The following C16orf96 variants were observed in gnomAD, a reference collection of about 807,000 sequenced individuals.
The protein encoded by C16orf96 is chromosome 16 open reading frame 96, also known as uncharacterized protein C16orf96.
Under a neutral mutation model 103.6 loss-of-function variants are expected in C16orf96, and 108 were observed. The ratio of observed to expected loss-of-function variants is 1.04; its 90% CI spans 0.89 to 1.22. The LOEUF (loss-of-function observed/expected upper bound fraction) is 1.22. Among genes scored for constraint, C16orf96 ranks in the 50% most tolerant of loss-of-function variants. C16orf96 has a pLI of 0.00. For missense variants in C16orf96, 1,586 were observed against 1,464.2 expected (o/e 1.08, Z -1.36); for synonymous variants, 566 against 593.5 (o/e 0.95, Z 0.67).
intron 14 of C16orf96, among the ~76,000 whole-genome samples, chr16:4,595,119 G>A (rs1897144324): frequency 1.3e-5 from 2 of 152,310 alleles, no homozygotes; most frequent in East Asian, 1.9e-4. Flanking sequence ...GCCAAGGGAC[G>A]CCAGTCCACG....
the C16orf96 span, among the ~76,000 whole-genome samples, chr16:4,544,704 T>C: frequency 6.6e-6 from 1 of 152,142 alleles, no homozygotes; most frequent in South Asian, 2.1e-4. Flanking sequence ...GCTTAATGCA[T>C]TTAGGTCACT....
intron 2 of C16orf96, 96 bp downstream of exon 2, chr16:4,571,761 C>A: frequency 1.8e-6 from 2 of 1,103,252 alleles, no homozygotes; most frequent in Non-Finnish European, 2.6e-6. Context: ...ACTGTTAGGC[C>A]AAGAGTGCAG....
intron 14 of C16orf96, among the ~76,000 whole-genome samples, chr16:4,597,544 C>T (rs577228843): frequency 1.6e-4 from 24 of 151,916 alleles, no homozygotes; most frequent in East Asian, 5.8e-4. Context: ...ATCATGATGG[C>T]GTCAACTGCT....
At chr16:4,599,444 C>A in intron 15 of C16orf96, 80 bp downstream of exon 15, 5 of 1,257,790 alleles carry the variant, frequency 4.0e-6, no homozygotes, top group Non-Finnish European at 5.7e-6. Context: ...TCCCATCCCC[C>A]ACACCCCGCC....
chr16:4,594,280 C>G (rs867375225), intron 12 of C16orf96, 71 bp from the exon 13 acceptor site: 23 of 1,498,230 alleles, frequency 1.5e-5, no homozygotes, highest in Non-Finnish European at 2.0e-5. Flanking sequence ...GCTGGCCAGG[C>G]CCTTGGGGCC....
At chr16:4,570,540 C>T (rs759275866) in intron 1 of C16orf96, among the ~76,000 whole-genome samples, 1 of 147,934 alleles carries the variant, frequency 6.8e-6, no homozygotes, top group Admixed American at 6.9e-5. Context: ...TCTTGGCTCA[C>T]TGCAGCCTCT....
In C16orf96 at chr16:4,582,288, AT is replaced by A. The variant is rs1223584703; in HGVS notation, c.2352+2164del. Among the ~76,000 whole-genome samples the A allele has an allele frequency of 0.014, 24 of 1,742 alleles. No homozygotes were observed. In the East Asian group the frequency reaches 0.44, roughly 32 times the overall value. The allele number at this position is 1,742 out of a possible 152,430, so 1.1% of individuals were successfully genotyped here. A position where few individuals can be genotyped will look rare whatever the true frequency, so the allele number is the denominator to read the frequency against. On this transcript the variant is annotated intron_variant, in intron 7 of 15. Transcript: ENST00000444310. ...CAAGAGCAAGACTCAGTCTCAAAAAATAAATAAATAAATAAATAAATAAATA... is the reference window on the plus strand; with the variant it reads ...CAAGAGCAAGACTCAGTCTCAAAAAAAAATAAATAAATAAATAAATAAATA...
intron 1 of C16orf96, among the ~76,000 whole-genome samples, chr16:4,567,280 CTTTTTTTTTTT>C (rs71139642): frequency 1.6e-5 from 1 of 62,604 alleles, no homozygotes; most frequent in Non-Finnish European, 2.9e-5. Flanking sequence ...TATTTCTTTT[CTTTTTTTTTTT>C]TTTTTTTTTT....
At chr16:4,583,479 C>G (rs1361971965) in intron 7 of C16orf96, among the ~76,000 whole-genome samples, 1 of 152,058 alleles carries the variant, frequency 6.6e-6, no homozygotes, top group African/African-American at 2.4e-5. Context: ...GCACTCCAGC[C>G]TGGGTGACAG....
In C16orf96 at chr16:4,600,547, C is replaced by T; in HGVS notation, c.*230C>T. On this transcript the variant is annotated 3_prime_UTR_variant, in exon 16 of 16. Coordinates refer to ENST00000444310, the MANE Select transcript of C16orf96 (RefSeq NM_001145011.2). ...TCCGAGGCTGAGACCCATATGCCCC[C>T]CCCACCCCCACCAAGTCCCGTCCCC... 6.4e-6 allele frequency: 3 copies of T among 472,372 alleles called. No individual in the cohort carries two copies. Among genetic ancestry groups the T allele is most frequent in the Admixed American group, 3.4e-5 (1 of 29,162 alleles). The allele number at this position is 472,372 out of a possible 1,614,324, so 29.3% of individuals were successfully genotyped here.
upstream of C16orf96, among the ~76,000 whole-genome samples, chr16:4,552,506 C>G (rs957040013): frequency 7.7e-5 from 11 of 143,674 alleles, no homozygotes; most frequent in Non-Finnish European, 1.1e-4. Flanking sequence ...AAAAAAGAAA[C>G]GAAAAGAAAA....
chr16:4,575,105 CG>C (rs780032758), intron 4 of C16orf96, 47 bp downstream of exon 4: 548 of 1,549,398 alleles, frequency 3.5e-4, no homozygotes, highest in Non-Finnish European at 4.5e-4. Flanking sequence ...GGGGAGCAGG[CG>C]GGTGGCTGAC....
Position 4,576,645 on chromosome 16 carries a change from G to C in C16orf96, c.2155+10G>C, listed in dbSNP as rs1426721920. ...CGCTTGAGTTATCTAGGTAGGCCTG[G>C]TCTGGCCCTGGGAAGGGCACAAGGG... On this transcript the variant is annotated intron_variant, in intron 5 of 15. Transcript: ENST00000444310. 8 of 1,544,730 alleles carry C rather than the reference G, an allele frequency of 5.2e-6. No individual in the cohort carries two copies. Among genetic ancestry groups the C allele is most frequent in the Non-Finnish European group, 7.0e-6 (8 of 1,143,342 alleles).
chr16:4,574,077 C>T (rs1234215372), intron 2 of C16orf96, among the ~76,000 whole-genome samples: 3 of 152,194 alleles, frequency 2.0e-5, no homozygotes, highest in Non-Finnish European at 4.4e-5. Flanking sequence ...TCATGATCCA[C>T]CCGCCTCAGC....
intron 5 of C16orf96, 54 bp from the exon 6 acceptor site, chr16:4,578,886 G>A: frequency 1.4e-6 from 2 of 1,421,608 alleles, no homozygotes; most frequent in Non-Finnish European, 1.9e-6. Flanking sequence ...GAGCCCAACA[G>A]AAACATCTTC....
Position 4,575,329 on chromosome 16 carries a change from T to G in C16orf96, c.849T>G (p.Tyr283Ter). 8 of 1,551,284 alleles carry G rather than the reference T, an allele frequency of 5.2e-6. No homozygotes were observed. Among genetic ancestry groups the G allele is most frequent in the Non-Finnish European group, 6.1e-6 (7 of 1,146,980 alleles). The stretch of plus-strand genomic sequence containing the variant: ...AGCTACTGCAGACTGTCTGGCATTA[T>G]GAGGTCCCAGAGCTCCTCCCGGAGG... Reference protein sequence around the residue: ...NPQLLQTVWHYEVPELLPEGS... With the variant: ...NPQLLQTVWH Residue 283 changes from tyrosine (Y) to a stop codon, truncating the protein, a stop_gained, in exon 5 of 16, where the codon TAT becomes TAG. Coordinates refer to ENST00000444310, the MANE Select transcript of C16orf96 (RefSeq NM_001145011.2). LOFTEE classifies it high-confidence loss of function.
chr16:4,588,003 G>A (rs549906705), intron 8 of C16orf96, among the ~76,000 whole-genome samples, 164 bp from the exon 9 acceptor site: 42 of 152,110 alleles, frequency 2.8e-4, no homozygotes, highest in Non-Finnish European at 5.0e-4. Context: ...CTTTGATCTC[G>A]AGATCGTGTT....
At chr16:4,558,910 T>C (rs1307274670) in intron 1 of C16orf96, among the ~76,000 whole-genome samples, 1 of 113,936 alleles carries the variant, frequency 8.8e-6, no homozygotes, top group Non-Finnish European at 1.7e-5. Context: ...CGAGACTCTG[T>C]CTCAAAAAAA....
At chr16:4,554,908 C>A (rs1297472619), upstream of C16orf96, among the ~76,000 whole-genome samples, 1 of 151,780 alleles carries the variant, frequency 6.6e-6, no homozygotes, top group African/African-American at 2.4e-5. Flanking sequence ...GGATTACAGG[C>A]GTGAGCCACC....
Sources: gnomAD v4.1 joint callset for allele counts (sites outside exome capture counted in the v4.1 genomes callset) on GRCh38, gnomAD v4.1.1 for gene constraint, MANE v1.5 for transcripts, NCBI Gene and HGNC (gene_info 2026-07-23, HGNC 2026-07-21) for gene names.